Variants in SLC5A6 observed in about 807,000 individuals in gnomAD.
The protein encoded by SLC5A6 is sodium-dependent multivitamin transporter.
A neutral mutation model predicts 67.9 loss-of-function variants in SLC5A6; 31 were observed. The observed-to-expected ratio is 0.46, with a 90% CI of 0.34 to 0.62. The LOEUF is 0.62. Among genes scored for constraint, SLC5A6 ranks in the 20% least tolerant of loss-of-function variants. The probability of loss-of-function intolerance (pLI) is 0.01; values close to 1 mark genes in which losing one functional copy is unlikely to be tolerated. For missense variants in SLC5A6, 673 were observed against 812.8 expected, an observed-to-expected ratio of 0.83 and a Z score of 2.09; for synonymous variants, 343 against 331.0, an observed-to-expected ratio of 1.04 and a Z score of -0.39.
At position 27,204,811 on chromosome 2, in the gene SLC5A6, G is replaced by A. The variant is rs748146028; in HGVS notation, c.855C>T (p.Arg285=). 12 of 1,614,080 alleles carry A rather than the reference G, an allele frequency of 7.4e-6. No homozygotes were observed. The South Asian group carries it at 8.8e-5, about 12-fold the overall frequency. The change falls in exon 8 of 17, where the codon CGC becomes CGT. Residue 285 remains arginine, a synonymous_variant. Coordinates refer to ENST00000310574, the MANE Select transcript of SLC5A6 (RefSeq NM_021095.4). ...CTCACAGCACAGCAGCCTTCTCCGT[G>A]CGGGAACTGAGGTACCGCTGCACCT... is the stretch of plus-strand genomic sequence containing the variant. The part of the protein sequence containing the change: ...QAQVQRYLSS[R]TEKAAVLSCY...
chr2:27,201,983 C>A lies in SLC5A6; in HGVS notation c.1362+5G>T. On this transcript the variant is annotated splice_donor_5th_base_variant and intron_variant, in intron 13 of 16. Transcript: ENST00000310574. ...CATGACTGTGGATCCAGATGCATCA[C>A]TCACAGGAGGGTTAGCACATGGAAA... The A allele has an allele frequency of 6.2e-7, 1 of 1,613,368 alleles. No homozygotes were observed. Among genetic ancestry groups the A allele is most frequent in the Non-Finnish European group, 8.5e-7 (1 of 1,179,282 alleles).
chr2:27,203,735 G>A, intron 10 of SLC5A6, 44 bp downstream of exon 10: 2 of 1,413,324 alleles, frequency 1.4e-6, no homozygotes, highest in African/African-American at 1.4e-5. Context: ...TACCAAATAG[G>A]GGTCAGGTGC....
At position 27,211,510 on chromosome 2, in the gene SLC5A6, T is replaced by TTC. The variant is rs1674500761; in HGVS notation, c.-185_-184insGA. On this transcript the variant is annotated 5_prime_UTR_variant, in exon 2 of 17. The change abolishes the stop of an existing upstream ORF in the 5' untranslated region. Transcript: ENST00000310574. The stretch of plus-strand genomic sequence containing the variant: ...GCTAGGAAGGTCCCTTTGTGCTTCC[T>TTC]GAGATCAACATCGCTCCCTTTTCCT... The TTC allele has an allele frequency of 1.3e-5, 2 of 152,448 alleles. No individual in the cohort carries two copies. Among genetic ancestry groups the TTC allele is most frequent in the Non-Finnish European group, 2.9e-5 (2 of 68,098 alleles). The allele number at this position is 152,448 out of a possible 1,614,324, so 9.4% of individuals were successfully genotyped here. A position where few individuals can be genotyped will look rare whatever the true frequency, so the allele number is the denominator to read the frequency against.
Position 27,206,902 on chromosome 2 carries a change from C to CCA in SLC5A6, c.432_433dup (p.Gly145ValfsTer4), listed in dbSNP as rs755146911. The CCA allele has an allele frequency of 6.2e-7, 1 of 1,613,942 alleles. No homozygotes were observed. Among genetic ancestry groups the CCA allele is most frequent in the Non-Finnish European group, 8.5e-7 (1 of 1,179,810 alleles). ...CATCTGAAAGATGAAGGTCACAGTT[C>CCA]CACACACTCGCACAGTTTTATTGAA... On this transcript the variant is annotated frameshift_variant, in exon 4 of 17. Coordinates refer to ENST00000310574, the MANE Select transcript of SLC5A6 (RefSeq NM_021095.4). LOFTEE classifies it high-confidence loss of function.
Position 27,201,105 on chromosome 2 carries a change from G to A in SLC5A6, c.1657C>T (p.Arg553Ter), listed in dbSNP as rs546600819. 3.7e-6 allele frequency: 6 copies of A among 1,610,352 alleles called. No individual in the cohort carries two copies. The highest frequency in any genetic ancestry group is 1.1e-5 in the South Asian group (1 of 90,804). ...GTTGCAGGGTTCAGGGACCGGCCTCGCATTCTCCCTGAATGGAAATGTGCT... is the reference window on the plus strand; with the variant it reads ...GTTGCAGGGTTCAGGGACCGGCCTCACATTCTCCCTGAATGGAAATGTGCT... Reference protein sequence around the residue: ...LIVSLLTGRMRGRSLNPATIY... With the variant: ...LIVSLLTGRM The change falls in exon 16 of 17, where the codon CGA becomes TGA. Residue 553 changes from arginine to a stop codon, truncating the protein, a stop_gained. Transcript: ENST00000310574. LOFTEE classifies it high-confidence loss of function.
chr2:27,204,426 C>A, intron 9 of SLC5A6, 35 bp downstream of exon 9: 1 of 1,589,178 alleles, frequency 6.3e-7, no homozygotes, highest in Non-Finnish European at 8.6e-7. Flanking sequence ...TGGGGCCAGG[C>A]CTGCCCTCAT....
At chr2:27,211,951 G>T (rs1045177827) in intron 1 of SLC5A6, 69 bp downstream of exon 1, 1 of 476,690 alleles carries the variant, frequency 2.1e-6, no homozygotes, top group Non-Finnish European at 3.6e-6. Context: ...AGCCCTGGCC[G>T]GGAGCCCGCG....
Position 27,207,040 on chromosome 2 carries a change from C to T in SLC5A6, c.394-98G>A. 8.8e-7 allele frequency: 1 copy of T among 1,135,650 alleles called. No homozygotes were observed. The highest frequency in any genetic ancestry group is 1.5e-5 in the African/African-American group (1 of 65,740). The allele number at this position is 1,135,650 out of a possible 1,614,324, so 70.3% of individuals were successfully genotyped here. A position where few individuals can be genotyped will look rare whatever the true frequency, so the allele number is the denominator to read the frequency against. On this transcript the variant is annotated intron_variant, in intron 3 of 16. Coordinates refer to ENST00000310574, the MANE Select transcript of SLC5A6 (RefSeq NM_021095.4). The surrounding 1 kb of genome is among the most constrained non-coding windows in gnomAD (Gnocchi z 5.5). ...CTCAGGAACATGAGGGAATATCCAACCCATACCCACTCTGAGTCCTACTCG... is the reference window on the plus strand; with the variant it reads ...CTCAGGAACATGAGGGAATATCCAATCCATACCCACTCTGAGTCCTACTCG...
At chr2:27,204,235 C>T (rs925394411) in intron 9 of SLC5A6, among the ~76,000 whole-genome samples, 2 of 152,076 alleles carry the variant, frequency 1.3e-5, no homozygotes, top group African/African-American at 4.8e-5. Context: ...AATGGGGAGT[C>T]AGTAAGGGTA....
intron 16 of SLC5A6, 94 bp from the exon 17 acceptor site, chr2:27,200,673 C>T: frequency 7.4e-7 from 1 of 1,351,614 alleles, no homozygotes; most frequent in Non-Finnish European, 1.0e-6. Context: ...CAGAAGGGAG[C>T]CCAGCAAGGC....
Position 27,206,507 on chromosome 2 carries a change from C to A in SLC5A6, c.487G>T (p.Ala163Ser). 6.2e-7 allele frequency: 1 copy of A among 1,614,164 alleles called. No individual in the cohort carries two copies. The change falls in exon 5 of 17, where the codon GCT (alanine) becomes TCT (serine). Residue 163 changes from alanine to serine, a missense_variant. Coordinates refer to ENST00000310574, the MANE Select transcript of SLC5A6 (RefSeq NM_021095.4). ...MVIYMGVVLY[A>S]PSLALNAVTG... is the part of the protein sequence containing the mutation. ...CCTGCATTGAGAGCCAATGACGGAG[C>A]ATAGAGCACAACTCCCATGTAGATC...
At position 27,204,450 on chromosome 2, in the gene SLC5A6, C is replaced by A. The variant is rs751739924; in HGVS notation, c.1005+11G>T. On this transcript the variant is annotated intron_variant, in intron 9 of 16. Transcript: ENST00000310574. Reference sequence around the variant, plus strand: ...GCCTGCCCTCATGGGAACAGAACAGCGCCTTCTCACCTGGTCTGGGGCTGC... The same window carrying A: ...GCCTGCCCTCATGGGAACAGAACAGAGCCTTCTCACCTGGTCTGGGGCTGC... 2 of 1,608,878 alleles carry A rather than the reference C, an allele frequency of 1.2e-6. No individual in the cohort carries two copies. Among genetic ancestry groups the A allele is most frequent in the Non-Finnish European group, 1.7e-6 (2 of 1,177,270 alleles).
At position 27,201,783 on chromosome 2, in the gene SLC5A6, A is replaced by C; in HGVS notation, c.1427T>G (p.Val476Gly). 6.2e-7 allele frequency: 1 copy of C among 1,614,198 alleles called. No individual in the cohort carries two copies. Among genetic ancestry groups the C allele is most frequent in the South Asian group, 1.1e-5 (1 of 91,084 alleles). The change falls in exon 14 of 17, where the codon GTG (valine) becomes GGG (glycine). Residue 476 changes from valine to glycine, a missense_variant. Val to Gly is a moderately radical substitution (Grantham distance 109, BLOSUM62 -3). Coordinates refer to ENST00000310574, the MANE Select transcript of SLC5A6 (RefSeq NM_021095.4). ...MAFWIGIGSI[V>G]TSMGSSMPPS... ...TGGCATGCTGGAGCCCATGCTGGTC[A>C]CGATGCTCCCGATGCCAATCCAGAA...
intron 12 of SLC5A6, 99 bp from the exon 13 acceptor site, chr2:27,202,173 C>G: frequency 3.6e-6 from 3 of 840,644 alleles, no homozygotes; most frequent in Non-Finnish European, 6.1e-6. Flanking sequence ...CTTGGAGCCC[C>G]ACTTGTCAGA....
upstream of SLC5A6, chr2:27,212,723 T>G: frequency 8.6e-7 from 1 of 1,163,616 alleles, no homozygotes; most frequent in Non-Finnish European, 1.1e-6. Context: ...TTAAGTTCTT[T>G]CTACAGACGG....
Position 27,207,045 on chromosome 2 carries a change from A to C in SLC5A6, c.394-103T>G. ...GAACATGAGGGAATATCCAACCCAT[A>C]CCCACTCTGAGTCCTACTCGGCATA... On this transcript the variant is annotated intron_variant, in intron 3 of 16. Coordinates refer to ENST00000310574, the MANE Select transcript of SLC5A6 (RefSeq NM_021095.4). The surrounding 1 kb of genome is among the most constrained non-coding windows in gnomAD (Gnocchi z 5.5). 1 of 1,108,086 alleles carries C rather than the reference A, an allele frequency of 9.0e-7. No individual in the cohort carries two copies. The highest frequency in any genetic ancestry group is 1.4e-6 in the Non-Finnish European group (1 of 721,262). 68.6% of individuals were successfully genotyped at this position (1,108,086 alleles called of 1,614,324 possible). A position where few individuals can be genotyped will look rare whatever the true frequency, so the allele number is the denominator to read the frequency against.
intron 14 of SLC5A6, 63 bp downstream of exon 14, chr2:27,201,603 C>G: frequency 6.5e-7 from 1 of 1,532,650 alleles, no homozygotes; most frequent in Non-Finnish European, 9.0e-7. Context: ...CTTAGCAAGA[C>G]CCCTGTGAAA....
rs552608144 is a variant in SLC5A6, at chr2:27,205,237, T to C, written c.734+113A>G. 3.1e-5 allele frequency: 34 copies of C among 1,086,692 alleles called. No individual in the cohort carries two copies. The Admixed American group carries it at 4.6e-4, about 15-fold the overall frequency. 67.3% of individuals were successfully genotyped at this position (1,086,692 alleles called of 1,614,324 possible). ...GGACCAGTTTCCCACTGTCTGCTGT[T>C]ACACCTCAGGCTTCCCAGTTTACCT... On this transcript the variant is annotated intron_variant, in intron 7 of 16. Coordinates refer to ENST00000310574, the MANE Select transcript of SLC5A6 (RefSeq NM_021095.4).
intron 4 of SLC5A6, 67 bp from the exon 5 acceptor site, chr2:27,206,601 G>C (rs1674086354): frequency 7.0e-7 from 1 of 1,431,530 alleles, no homozygotes; most frequent in Non-Finnish European, 9.9e-7. Flanking sequence ...AGAAAGATGG[G>C]CCTCAGCGCC....
Sources: gnomAD v4.1 joint callset for allele counts (sites outside exome capture counted in the v4.1 genomes callset) on GRCh38, gnomAD v4.1.1 for gene constraint, Gnocchi (gnomAD v3.1) non-coding constraint, MANE v1.5 for transcripts, NCBI Gene and HGNC (gene_info 2026-07-23, HGNC 2026-07-21) for gene names.